ZNF382: variants seen among roughly 807,000 people sequenced by gnomAD.
ZNF382 encodes the protein KRAB/zinc finger suppressor protein 1.
A neutral mutation model predicts 38.8 loss-of-function variants in ZNF382; 20 were observed. The observed-to-expected ratio is 0.51, with a 90% CI of 0.36 to 0.75. ZNF382 has a LOEUF of 0.75. ZNF382 is among the 30% of genes least tolerant of loss of function. The pLI, the probability that ZNF382 is intolerant of heterozygous loss-of-function variation, is 0.00. For missense variants in ZNF382, 546 were observed against 654.1 expected (o/e 0.83, Z 1.80); for synonymous variants, 202 against 223.1 (o/e 0.91, Z 0.84).
intron 4 of ZNF382, among the ~76,000 whole-genome samples, chr19:36,614,914 C>CTTTCCTTTCCTTCCCTTTCCCTTTCCCT (rs752527955): frequency 5.5e-5 from 5 of 90,784 alleles, no homozygotes; most frequent in African/African-American, 1.4e-4. Context: ...CTTTCCTTTC[C>CTTTCCTTTCCTTCCCTTTCCCTTTCCCT]TTCCCTTTCC....
chr19:36,623,210 A>G (rs2037183215), intron 4 of ZNF382, among the ~76,000 whole-genome samples: 1 of 152,164 alleles, frequency 6.6e-6, no homozygotes, highest in Admixed American at 6.6e-5. Context: ...ATCATTTACT[A>G]CTAAGTTCTT....
rs1317417919 is a variant in ZNF382, at chr19:36,633,480, A to G, written c.*5930A>G. On this transcript the variant is annotated 3_prime_UTR_variant, in exon 5 of 5. Transcript: ENST00000292928. Reference sequence around the variant, plus strand: ...GGATTTGTTACTGGAACTTTCATACATTGCTAATAGGAAAGGCAAAATGGT... The same window carrying G: ...GGATTTGTTACTGGAACTTTCATACGTTGCTAATAGGAAAGGCAAAATGGT... 4 of 151,832 alleles carry G rather than the reference A, an allele frequency of 2.6e-5. No homozygotes were observed. The highest frequency in any genetic ancestry group is 6.5e-5 in the Admixed American group (1 of 15,272). 9.4% of individuals were successfully genotyped at this position (151,832 alleles called of 1,614,324 possible). A position where few individuals can be genotyped will look rare whatever the true frequency, so the allele number is the denominator to read the frequency against.
In ZNF382 at chr19:36,626,706, A is replaced by T. The variant is rs763169656; in HGVS notation, c.809A>T (p.Tyr270Phe). The part of the protein sequence containing the change: ...SNLMEKKPSA[Y>F]NKYGKFLCRK... ...CTTATGGAAAAGAAGCCCTCTGCCTACAACAAATATGGGAAATTCCTCTGC... is the reference window on the plus strand; with the variant it reads ...CTTATGGAAAAGAAGCCCTCTGCCTTCAACAAATATGGGAAATTCCTCTGC... Residue 270 changes from tyrosine to phenylalanine, a missense_variant, in exon 5 of 5, where the codon TAC becomes TTC. Physicochemically the swap from Tyr to Phe is conservative, Grantham distance 22. Transcript: ENST00000292928. The T allele has an allele frequency of 6.2e-7, 1 of 1,614,076 alleles. No individual in the cohort carries two copies.
chr19:36,626,192 A>G lies in ZNF382; in HGVS notation c.295A>G (p.Arg99Gly). Reference protein sequence around the residue: ...KFKEYQDRHSRPLIFINHKKL... With the variant: ...KFKEYQDRHSGPLIFINHKKL... ...CAAAGAATACCAAGACAGGCATTCT[A>G]GACCCCTCATATTCATCAACCACAA... The change falls in exon 5 of 5, where the codon AGA (arginine) becomes GGA (glycine). Residue 99 changes from arginine to glycine, a missense_variant. Physicochemically the swap from Arg to Gly is moderately radical, Grantham distance 125 (BLOSUM62 -2). Coordinates refer to ENST00000292928, the MANE Select transcript of ZNF382 (RefSeq NM_032825.5). The G allele has an allele frequency of 6.3e-7, 1 of 1,586,688 alleles. No homozygotes were observed. Among genetic ancestry groups the G allele is most frequent in the Non-Finnish European group, 8.5e-7 (1 of 1,172,498 alleles).
chr19:36,610,812 A>G, intron 4 of ZNF382, 70 bp downstream of exon 4: 1 of 1,215,844 alleles, frequency 8.2e-7, no homozygotes, highest in Non-Finnish European at 1.2e-6. Context: ...GTTTTTAGGG[A>G]TCTATTTTTG....
intron 4 of ZNF382, among the ~76,000 whole-genome samples, chr19:36,617,883 T>C (rs527481266): frequency 5.9e-4 from 90 of 152,196 alleles, no homozygotes; most frequent in Middle Eastern, 3.4e-3. Context: ...AACTGGGCCC[T>C]TCGGTGGACA....
At chr19:36,614,185 C>G (rs147494126) in intron 4 of ZNF382, among the ~76,000 whole-genome samples, 1,867 of 151,992 alleles carry the variant, frequency 0.012, 46 homozygotes, top group African/African-American at 0.042. Context: ...ACTAAAAATA[C>G]AAAAATTAGC....
rs2037238966 is a variant in ZNF382 at position 36,629,334 on chromosome 19, A to G, written c.*1784A>G. ...AAGTCTATGTGTAGGCCCCCTGGTC[A>G]ACAGCTACAGCTGAGCTCCCAGCCA... On this transcript the variant is annotated 3_prime_UTR_variant, in exon 5 of 5. Transcript: ENST00000292928. 1 of 152,060 alleles carries G rather than the reference A, an allele frequency of 6.6e-6. No homozygotes were observed. Among genetic ancestry groups the G allele is most frequent in the Admixed American group, 6.6e-5 (1 of 15,258 alleles). The allele number at this position is 152,060 out of a possible 1,614,324, so 9.4% of individuals were successfully genotyped here. A position where few individuals can be genotyped will look rare whatever the true frequency, so the allele number is the denominator to read the frequency against.
chr19:36,610,810 G>A, intron 4 of ZNF382, 68 bp downstream of exon 4: 1 of 1,230,120 alleles, frequency 8.1e-7, no homozygotes, highest in Non-Finnish European at 1.2e-6. Flanking sequence ...ATGTTTTTAG[G>A]GATCTATTTT....
chr19:36,620,223 A>G (rs2037158113), intron 4 of ZNF382, among the ~76,000 whole-genome samples: 1 of 152,140 alleles, frequency 6.6e-6, no homozygotes, highest in Non-Finnish European at 1.5e-5. Context: ...TGGGACCAAA[A>G]TGGTAATTTG....
Position 36,628,855 on chromosome 19 carries a change from T to G in ZNF382, c.*1305T>G, listed in dbSNP as rs558453392. The G allele has an allele frequency of 6.6e-6, 1 of 152,550 alleles. No homozygotes were observed. The highest frequency in any genetic ancestry group is 2.4e-5 in the African/African-American group (1 of 41,476). The allele number at this position is 152,550 out of a possible 1,614,324, so 9.4% of individuals were successfully genotyped here. A position where few individuals can be genotyped will look rare whatever the true frequency, so the allele number is the denominator to read the frequency against. ...TCACATAGGATGAGAACTCTTCAAA[T>G]GAAATGATTGTAAGAATGACTTTAA... On this transcript the variant is annotated 3_prime_UTR_variant, in exon 5 of 5. Transcript: ENST00000292928.
chr19:36,615,149 C>G (rs956563475), intron 4 of ZNF382, among the ~76,000 whole-genome samples: 1 of 151,682 alleles, frequency 6.6e-6, no homozygotes, highest in African/African-American at 2.4e-5. Flanking sequence ...CCATGCCCAG[C>G]TAATTTTTGT....
intron 4 of ZNF382, among the ~76,000 whole-genome samples, chr19:36,614,276 G>A (rs1355152597): frequency 6.6e-6 from 1 of 152,164 alleles, no homozygotes; most frequent in Non-Finnish European, 1.5e-5. Flanking sequence ...GAAGGCACAG[G>A]TTGCAGTGAG....
chr19:36,608,281 T>C (rs567057398), intron 2 of ZNF382: 1 of 152,340 alleles, frequency 6.6e-6, no homozygotes, highest in Admixed American at 6.5e-5. Flanking sequence ...TCCTCTCTGA[T>C]CTTTTTTCAT....
In ZNF382 at chr19:36,632,761, GT is replaced by G. The variant is rs1395054159; in HGVS notation, c.*5213del. 6.6e-6 allele frequency: 1 copy of G among 152,262 alleles called. No individual in the cohort carries two copies. Among genetic ancestry groups the G allele is most frequent in the African/African-American group, 2.4e-5 (1 of 41,542 alleles). The allele number at this position is 152,262 out of a possible 1,614,324, so 9.4% of individuals were successfully genotyped here. A position where few individuals can be genotyped will look rare whatever the true frequency, so the allele number is the denominator to read the frequency against. Reference sequence around the variant, plus strand: ...AAATCAGCTCCATCTTATAAACATGGTTCCTATAACTGCTGTGTATTTCCTG... The same window carrying G: ...AAATCAGCTCCATCTTATAAACATGGTCCTATAACTGCTGTGTATTTCCTG... On this transcript the variant is annotated 3_prime_UTR_variant, in exon 5 of 5. Coordinates refer to ENST00000292928, the MANE Select transcript of ZNF382 (RefSeq NM_032825.5).
chr19:36,613,938 T>G lies in ZNF382; in HGVS notation c.232+3196T>G, dbSNP rs529507670. Reference sequence around the variant, plus strand: ...ATTTTTGGACAATCTGTTGTTTCCTTGGACATAATTTAAGTCACATTGACA... The same window carrying G: ...ATTTTTGGACAATCTGTTGTTTCCTGGGACATAATTTAAGTCACATTGACA... On this transcript the variant is annotated intron_variant, in intron 4 of 4. Transcript: ENST00000292928. 2.0e-5 allele frequency among the ~76,000 whole-genome samples: 3 copies of G among 152,342 alleles called. No individual in the cohort carries two copies. The South Asian group carries it at 6.2e-4, about 32-fold the overall frequency.
chr19:36,621,814 C>T (rs2037172988), intron 4 of ZNF382, among the ~76,000 whole-genome samples: 1 of 152,042 alleles, frequency 6.6e-6, no homozygotes, highest in Non-Finnish European at 1.5e-5. Context: ...GAACCTGTCC[C>T]CTTAGATTGG....
rs2037242208 is a variant in ZNF382 at position 36,629,873 on chromosome 19, C to T, written c.*2323C>T. ...CCGGGAGGCGGAGGTTGCAGTGAGC[C>T]AGGATAGCACCACTGCACTCCAGCC... On this transcript the variant is annotated 3_prime_UTR_variant, in exon 5 of 5. Coordinates refer to ENST00000292928, the MANE Select transcript of ZNF382 (RefSeq NM_032825.5). The T allele has an allele frequency of 6.6e-6, 1 of 152,120 alleles. No individual in the cohort carries two copies. The highest frequency in any genetic ancestry group is 1.5e-5 in the Non-Finnish European group (1 of 68,064). 9.4% of individuals were successfully genotyped at this position (152,120 alleles called of 1,614,324 possible). A position where few individuals can be genotyped will look rare whatever the true frequency, so the allele number is the denominator to read the frequency against.
Position 36,610,437 on chromosome 19 carries a change from AAG to A in ZNF382, c.140-210_140-209del, listed in dbSNP as rs1356937129. ...CACCACTGCACTCCAGCCTGAGTGAAAGAGTGAGACTGTCTCAAAAAAAAAAA... is the reference window on the plus strand; with the variant it reads ...CACCACTGCACTCCAGCCTGAGTGAAAGTGAGACTGTCTCAAAAAAAAAAA... On this transcript the variant is annotated intron_variant, in intron 3 of 4. Coordinates refer to ENST00000292928, the MANE Select transcript of ZNF382 (RefSeq NM_032825.5). The A allele has an allele frequency of 1.2e-5, 5 of 417,722 alleles. No individual in the cohort carries two copies. In the Admixed American group the frequency reaches 1.7e-4, roughly 14 times the overall value. 25.9% of individuals were successfully genotyped at this position (417,722 alleles called of 1,614,324 possible).
Sources: gnomAD v4.1 joint callset for allele counts (sites outside exome capture counted in the v4.1 genomes callset) on GRCh38, gnomAD v4.1.1 for gene constraint, MANE v1.5 for transcripts, NCBI Gene and HGNC (gene_info 2026-07-23, HGNC 2026-07-21) for gene names.